E2F1: variants seen among roughly 807,000 people sequenced by gnomAD.
E2F1 encodes transcription factor E2F1.
A neutral mutation model predicts 36.9 loss-of-function variants in E2F1; 7 were observed. The observed-to-expected ratio is 0.19, with a 90% CI of 0.11 to 0.36. The LOEUF is 0.36. E2F1 is among the 10% of genes least tolerant of loss of function. The pLI, the probability that E2F1 is intolerant of heterozygous loss-of-function variation, is 1.00. For synonymous variants in E2F1, 261 were observed against 263.1 expected (o/e 0.99, Z 0.08); for missense variants, 406 against 573.6 (o/e 0.71, Z 2.99).
At position 33,676,840 on chromosome 20, in the gene E2F1, A is replaced by G. The variant is rs2017965838; in HGVS notation, c.1206T>C (p.Leu402=). ...SGLLPEEFIS[L]SPPHEALDYH... ...AGTCGAGGGCCTCGTGGGGTGGGGA[A>G]AGGCTGATGAACTCCTCAGGGAGGA... Residue 402 remains leucine (L), a synonymous_variant, in exon 7 of 7, where the codon CTT becomes CTC. Coordinates refer to ENST00000343380, the MANE Select transcript of E2F1 (RefSeq NM_005225.3). 1 of 1,593,222 alleles carries G rather than the reference A, an allele frequency of 6.3e-7. No individual in the cohort carries two copies. Among genetic ancestry groups the G allele is most frequent in the Non-Finnish European group, 8.6e-7 (1 of 1,168,964 alleles).
chr20:33,682,218 T>C (rs2018024575), intron 1 of E2F1, among the ~76,000 whole-genome samples: 1 of 151,750 alleles, frequency 6.6e-6, no homozygotes, highest in African/African-American at 2.4e-5. Flanking sequence ...AAATGTTTGC[T>C]GAATGAACCC....
chr20:33,681,147 TC>T (rs1238834436), intron 1 of E2F1, among the ~76,000 whole-genome samples: 1 of 152,140 alleles, frequency 6.6e-6, no homozygotes, highest in East Asian at 1.9e-4. Context: ...CAAGCAATCC[TC>T]CCACCTCAGC....
chr20:33,686,016 G>A lies in E2F1; in HGVS notation c.249C>T (p.Leu83=). The A allele has an allele frequency of 1.8e-6, 2 of 1,131,858 alleles. No homozygotes were observed. Among genetic ancestry groups the A allele is most frequent in the Non-Finnish European group, 2.2e-6 (2 of 925,062 alleles). 70.1% of individuals were successfully genotyped at this position (1,131,858 alleles called of 1,614,324 possible). A position where few individuals can be genotyped will look rare whatever the true frequency, so the allele number is the denominator to read the frequency against. Residue 83 remains leucine, a synonymous_variant, in exon 1 of 7, where the codon CTC becomes CTT. Transcript: ENST00000343380. ...RPTPSAPRPA[L]GRPPVKRRLD... ...CTGGGGTCCGTACCGGCGGGCGGCCGAGCGCGGGCCGCGGCGCACTGGGTG... is the reference window on the plus strand; with the variant it reads ...CTGGGGTCCGTACCGGCGGGCGGCCAAGCGCGGGCCGCGGCGCACTGGGTG...
chr20:33,680,087 C>T (rs1568909328), intron 2 of E2F1, 113 bp from the exon 3 acceptor site: 1 of 998,016 alleles, frequency 1.0e-6, no homozygotes, highest in Non-Finnish European at 1.5e-6. Context: ...TGGGGGACAG[C>T]CAGCTCCTTC....
chr20:33,682,850 C>A (rs896647936), intron 1 of E2F1, among the ~76,000 whole-genome samples: 3 of 152,202 alleles, frequency 2.0e-5, no homozygotes, highest in African/African-American at 7.2e-5. Context: ...CTCACACATA[C>A]AGACAAGCAA....
At chr20:33,683,572 A>G (rs952655353) in intron 1 of E2F1, among the ~76,000 whole-genome samples, 7 of 151,850 alleles carry the variant, frequency 4.6e-5, no homozygotes, top group Non-Finnish European at 1.0e-4. Flanking sequence ...CAGGAGTTCA[A>G]GACCAGCCTG....
In E2F1 at chr20:33,677,423, C is replaced by G. The variant is rs1483684329; in HGVS notation, c.840+3G>C. ...AGTTGGGCCCGGAGTTCCCAGATCT[C>G]ACCTCCGAAGAGTCCACGGCTTGGA... On this transcript the variant is annotated splice_donor_region_variant and intron_variant, in intron 5 of 6. Transcript: ENST00000343380. 5 of 1,613,536 alleles carry G rather than the reference C, an allele frequency of 3.1e-6. No individual in the cohort carries two copies. Among genetic ancestry groups the G allele is most frequent in the Non-Finnish European group, 4.2e-6 (5 of 1,179,708 alleles).
In E2F1 at chr20:33,676,896, G is replaced by T; in HGVS notation, c.1150C>A (p.Leu384Met). Residue 384 changes from leucine to methionine, a missense_variant, in exon 7 of 7, where the codon CTG becomes ATG. Leu to Met is a conservative substitution (Grantham distance 15). Around this residue, in one of 5 missense-constraint regions of E2F1, gnomAD observed 163 missense variants for 181.5 expected, o/e 0.90. Transcript: ENST00000343380. ...LSPLVAADSL[L>M]EHVREDFSGL... ...GAGAAGTCCTCCCGCACATGCTCCA[G>T]GAGCGAGTCGGCCGCCACCAGCGGG... 6.4e-7 allele frequency: 1 copy of T among 1,570,440 alleles called. No individual in the cohort carries two copies. The highest frequency in any genetic ancestry group is 2.4e-5 in the East Asian group (1 of 42,180).
At chr20:33,680,583 A>C (rs933480817) in intron 1 of E2F1, among the ~76,000 whole-genome samples, 167 bp from the exon 2 acceptor site, 4 of 152,154 alleles carry the variant, frequency 2.6e-5, no homozygotes, top group African/African-American at 9.7e-5. Flanking sequence ...TCACAGTCCT[A>C]CCACACAGGA....
rs1207362126 is a variant in E2F1, at chr20:33,677,088, A to T, written c.1066+17T>A. 1 of 1,135,130 alleles carries T rather than the reference A, an allele frequency of 8.8e-7. No individual in the cohort carries two copies. The highest frequency in any genetic ancestry group is 1.2e-6 in the Non-Finnish European group (1 of 814,678). 70.3% of individuals were successfully genotyped at this position (1,135,130 alleles called of 1,614,324 possible). A position where few individuals can be genotyped will look rare whatever the true frequency, so the allele number is the denominator to read the frequency against. On this transcript the variant is annotated intron_variant, in intron 6 of 6. Transcript: ENST00000343380. Reference sequence around the variant, plus strand: ...AGAGGGGCCCTGCCCCACCCCACCCACCTACCCATCACCCACCTTGCTCCA... The same window carrying T: ...AGAGGGGCCCTGCCCCACCCCACCCTCCTACCCATCACCCACCTTGCTCCA...
At chr20:33,683,450 C>CA (rs60838396) in intron 1 of E2F1, among the ~76,000 whole-genome samples, 8,188 of 54,048 alleles carry the variant, frequency 0.15, 1,144 homozygotes, top group African/African-American at 0.38. Flanking sequence ...GACTTCATCT[C>CA]AAAAAAAAAA....
chr20:33,681,983 C>G (rs1006806952), intron 1 of E2F1, among the ~76,000 whole-genome samples: 1 of 151,476 alleles, frequency 6.6e-6, no homozygotes, highest in Non-Finnish European at 1.5e-5. Flanking sequence ...CCTTGCATCC[C>G]TCCCACCCTC....
At chr20:33,681,850 A>G (rs1270084018) in intron 1 of E2F1, among the ~76,000 whole-genome samples, 2 of 151,788 alleles carry the variant, frequency 1.3e-5, no homozygotes, top group African/African-American at 4.8e-5. Context: ...TCCTCCTACA[A>G]ACCTTACCAT....
At chr20:33,682,530 C>CGGT (rs1275995384) in intron 1 of E2F1, among the ~76,000 whole-genome samples, 2 of 152,218 alleles carry the variant, frequency 1.3e-5, no homozygotes, top group Non-Finnish European at 2.9e-5. Context: ...CCCTGGGGCC[C>CGGT]AAACCCTAGC....
chr20:33,685,946 C>A, intron 1 of E2F1, 58 bp downstream of exon 1: 4 of 1,095,628 alleles, frequency 3.7e-6, no homozygotes, highest in Non-Finnish European at 4.4e-6. Context: ...GGCGCCCTCC[C>A]GGGTCTGCGC....
At chr20:33,677,028 A>C (rs368151951) in intron 6 of E2F1, 49 bp from the exon 7 acceptor site, 135 of 1,559,702 alleles carry the variant, frequency 8.7e-5, no homozygotes, top group Non-Finnish European at 1.1e-4. Flanking sequence ...AGCAGGGAGG[A>C]AGGCAGGGGC....
intron 1 of E2F1, 112 bp from the exon 2 acceptor site, chr20:33,680,528 CT>C: frequency 1.2e-6 from 1 of 860,726 alleles, no homozygotes; most frequent in Non-Finnish European, 1.8e-6. Context: ...AGCAGGATGC[CT>C]GAGTGTGTGA....
intron 1 of E2F1, among the ~76,000 whole-genome samples, chr20:33,683,919 G>C (rs977003917): frequency 2.6e-5 from 4 of 152,238 alleles, no homozygotes; most frequent in Admixed American, 6.5e-5. Context: ...AATGCCTGCT[G>C]GTATAGAAGC....
In E2F1 at chr20:33,678,260, G is replaced by C; in HGVS notation, c.666C>G (p.His222Gln). The change falls in exon 4 of 7, where the codon CAC becomes CAG. Residue 222 changes from histidine to glutamine, a missense_variant. Transcript: ENST00000343380. ...GCTGCGTAGTACAGATATTCATCAGGTGGTCCAGCTGCTGCTCGCTCTCCT... is the reference window on the plus strand; with the variant it reads ...GCTGCGTAGTACAGATATTCATCAGCTGGTCCAGCTGCTGCTCGCTCTCCT... ...QLQESEQQLD[H>Q]LMNICTTQLR... 6.2e-7 allele frequency: 1 copy of C among 1,613,642 alleles called. No individual in the cohort carries two copies. The highest frequency in any genetic ancestry group is 1.1e-5 in the South Asian group (1 of 91,060).
Sources: gnomAD v4.1 joint callset for allele counts (sites outside exome capture counted in the v4.1 genomes callset) on GRCh38, gnomAD v4.1.1 for gene constraint, gnomAD v4.1.1 regional missense constraint, MANE v1.5 for transcripts, NCBI Gene and HGNC (gene_info 2026-07-23, HGNC 2026-07-21) for gene names.